The following PCYT1B variants were observed in gnomAD, a reference collection of about 807,000 sequenced individuals.
The protein encoded by PCYT1B is phosphate cytidylyltransferase 1B, choline, also known as choline-phosphate cytidylyltransferase B.
A neutral mutation model predicts 26.4 loss-of-function variants in PCYT1B; 10 were observed. The observed-to-expected ratio is 0.38, with a 90% CI of 0.23 to 0.64. PCYT1B has a LOEUF of 0.64. Ranked by LOEUF, PCYT1B falls within the 30% of genes least tolerant of loss-of-function variation. PCYT1B has a pLI of 0.56. For missense variants in PCYT1B, 161 were observed against 292.7 expected (o/e 0.55, Z 3.28); for synonymous variants, 131 against 108.4 (o/e 1.21, Z -1.29).
intron 5 of PCYT1B, among the ~76,000 whole-genome samples, chrX:24,581,877 T>A (rs1780737828): frequency 8.9e-6 from 1 of 112,773 alleles, no homozygotes; most frequent in African/African-American, 3.2e-5. Context: ...TGCACATTTA[T>A]AGTATCAGTA....
chrX:24,565,486 G>T (rs762975809), intron 7 of PCYT1B, among the ~76,000 whole-genome samples: 26 of 110,000 alleles, frequency 2.4e-4, no homozygotes, highest in Middle Eastern at 9.3e-3. Flanking sequence ...GGGTCCATGG[G>T]GGCTAGTAGA....
intron 1 of PCYT1B, among the ~76,000 whole-genome samples, chrX:24,657,858 A>G (rs1273389634): frequency 1.8e-5 from 2 of 112,323 alleles, no homozygotes; most frequent in Non-Finnish European, 3.8e-5. Context: ...TTCTTAAAGT[A>G]GAATTGCTGA....
intron 1 of PCYT1B, among the ~76,000 whole-genome samples, chrX:24,643,046 A>G (rs1170869999): frequency 8.9e-6 from 1 of 111,863 alleles, no homozygotes; most frequent in Non-Finnish European, 1.9e-5. Flanking sequence ...CATGGAAGTG[A>G]CTATTGCAGT....
intron 1 of PCYT1B, among the ~76,000 whole-genome samples, chrX:24,660,859 T>G (rs1172633746): frequency 9.0e-6 from 1 of 111,224 alleles, no homozygotes; most frequent in African/African-American, 3.3e-5. Flanking sequence ...CAAAATGGTC[T>G]GGATAACAAC....
At chrX:24,604,004 T>C (rs770662240) in intron 3 of PCYT1B, among the ~76,000 whole-genome samples, 11 of 111,448 alleles carry the variant, frequency 9.9e-5, no homozygotes, top group Non-Finnish European at 1.7e-4. Context: ...AGTCTGCCTA[T>C]ACACAGGAGG....
chrX:24,658,922 A>G (rs1263737781), intron 1 of PCYT1B, among the ~76,000 whole-genome samples: 1 of 112,220 alleles, frequency 8.9e-6, no homozygotes, highest in Admixed American at 9.5e-5. Context: ...TCAATTGCAG[A>G]CAATTGCTAA....
chrX:24,563,540 C>G (rs1392179431), intron 7 of PCYT1B, among the ~76,000 whole-genome samples: 6 of 111,668 alleles, frequency 5.4e-5, no homozygotes, highest in Admixed American at 1.9e-4. Flanking sequence ...AGAGAAGGCA[C>G]AGAGGGCTGT....
At chrX:24,645,016 A>T (rs1452554082) in intron 1 of PCYT1B, among the ~76,000 whole-genome samples, 1 of 111,381 alleles carries the variant, frequency 9.0e-6, no homozygotes, top group Non-Finnish European at 1.9e-5. Flanking sequence ...GTGAGCCAAG[A>T]TCAGGCCACT....
chrX:24,668,564 C>T (rs1927174260), intron 1 of PCYT1B, among the ~76,000 whole-genome samples: 1 of 110,753 alleles, frequency 9.0e-6, no homozygotes, highest in Admixed American at 9.6e-5. Flanking sequence ...CACAGGAGTA[C>T]CTTTTCCAGG....
chrX:24,596,524 G>A (rs990405386), intron 3 of PCYT1B, among the ~76,000 whole-genome samples: 2 of 107,757 alleles, frequency 1.9e-5, no homozygotes, highest in African/African-American at 3.4e-5. Flanking sequence ...CCCAGGAGGT[G>A]GAGCTTGCAG....
intron 3 of PCYT1B, among the ~76,000 whole-genome samples, chrX:24,598,293 A>G (rs1924848781): frequency 9.0e-6 from 1 of 111,516 alleles, no homozygotes; most frequent in Non-Finnish European, 1.9e-5. Context: ...TTTATTTTCT[A>G]CCTCTTTATA....
At chrX:24,569,184 A>G (rs770058736) in intron 7 of PCYT1B, among the ~76,000 whole-genome samples, 22 of 111,305 alleles carry the variant, frequency 2.0e-4, no homozygotes, top group Non-Finnish European at 4.0e-4. Context: ...TCTAATGCAG[A>G]TCCACAAACT....
In PCYT1B at chrX:24,562,382, G is replaced by A. The variant is rs1354161932; in HGVS notation, c.1021C>T (p.Leu341Phe). ...SRSPSPTFSWLPLKTSPPSSP... is the reference protein window; with the variant it reads ...SRSPSPTFSWFPLKTSPPSSP... ...GAAGGGGGTGAGGTTTTGAGTGGAA[G>A]CCATGAGAAGGTGGGCGATGGGGAG... Residue 341 changes from leucine (L) to phenylalanine (F), a missense_variant, in exon 8 of 8, where the codon CTT becomes TTT. Around this residue, in one of 4 missense-constraint regions of PCYT1B, gnomAD observed 38 missense variants for 55.9 expected, o/e 0.68. Coordinates refer to ENST00000379144, the MANE Select transcript of PCYT1B (RefSeq NM_004845.5). 6 of 1,184,055 alleles carry A rather than the reference G, an allele frequency of 5.1e-6. No homozygotes were observed. Among genetic ancestry groups the A allele is most frequent in the African/African-American group, 1.8e-5 (1 of 57,091 alleles).
At chrX:24,618,930 G>T in intron 2 of PCYT1B, 55 bp downstream of exon 2, 1 of 830,102 alleles carries the variant, frequency 1.2e-6, no homozygotes, top group Non-Finnish European at 1.7e-6. Flanking sequence ...GCCCCTTTCT[G>T]ATACTTTAAA....
chrX:24,574,896 T>A, intron 7 of PCYT1B, among the ~76,000 whole-genome samples: 1 of 112,107 alleles, frequency 8.9e-6, no homozygotes, highest in Admixed American at 9.5e-5. Context: ...AAGCTCTGGA[T>A]AAGAACTAGA....
At chrX:24,590,832 C>A (rs1222448321) in intron 3 of PCYT1B, among the ~76,000 whole-genome samples, 1 of 90,393 alleles carries the variant, frequency 1.1e-5, no homozygotes, top group Non-Finnish European at 2.1e-5. Flanking sequence ...CTCGCTCTAT[C>A]GCCCAGGCTG....
intron 1 of PCYT1B, among the ~76,000 whole-genome samples, chrX:24,629,559 C>CAA (rs1165553186): frequency 0.015 from 241 of 16,088 alleles, 39 homozygotes; most frequent in Admixed American, 0.022. Flanking sequence ...GACCCTGTCT[C>CAA]AAAAAAAAAA....
intron 6 of PCYT1B, among the ~76,000 whole-genome samples, chrX:24,576,531 C>G (rs982219081): frequency 8.1e-5 from 9 of 111,344 alleles, no homozygotes; most frequent in African/African-American, 2.9e-4. Flanking sequence ...TCTTGAACTC[C>G]TGACCTGAAG....
intron 5 of PCYT1B, among the ~76,000 whole-genome samples, chrX:24,580,526 G>T (rs1425415220): frequency 8.9e-6 from 1 of 112,013 alleles, no homozygotes; most frequent in Non-Finnish European, 1.9e-5. Context: ...CCACTCAAAG[G>T]CCCTTTCATC....
Sources: gnomAD v4.1 joint callset for allele counts (sites outside exome capture counted in the v4.1 genomes callset) on GRCh38, gnomAD v4.1.1 for gene constraint, gnomAD v4.1.1 regional missense constraint, MANE v1.5 for transcripts, NCBI Gene and HGNC (gene_info 2026-07-23, HGNC 2026-07-21) for gene names.